Variants in NDUFAF6 observed in about 807,000 individuals in gnomAD.
The protein encoded by NDUFAF6 is NADH dehydrogenase (ubiquinone) complex I, assembly factor 6.
In NDUFAF6, 45 loss-of-function variants were observed where a neutral mutation model predicts 40.8. The ratio of observed to expected loss-of-function variants is 1.10; its 90% confidence interval spans 0.87 to 1.42. The LOEUF (loss-of-function observed/expected upper bound fraction) is 1.42, where lower values mean the gene tolerates loss of function less well. Ranked by LOEUF, NDUFAF6 falls within the 40% of genes most tolerant of loss-of-function variation. The probability of loss-of-function intolerance (pLI) is 0.00; values close to 1 mark genes in which losing one functional copy is unlikely to be tolerated. For missense variants in NDUFAF6, 435 were observed against 418.5 expected, an observed-to-expected ratio of 1.04 and a Z score of -0.34; for synonymous variants, 185 against 155.9, an observed-to-expected ratio of 1.19 and a Z score of -1.39.
At chr8:94,951,949 A>G (rs1822659496) in intron 2 of NDUFAF6, among the ~76,000 whole-genome samples, 1 of 152,204 alleles carries the variant, frequency 6.6e-6, no homozygotes, top group Non-Finnish European at 1.5e-5. Flanking sequence ...ACTGACAAAG[A>G]CCCAGCCAGG....
chr8:94,906,729 C>G (rs1294116515), intron 1 of NDUFAF6, among the ~76,000 whole-genome samples: 1 of 152,164 alleles, frequency 6.6e-6, no homozygotes, highest in Non-Finnish European at 1.5e-5. Context: ...GTAATGAAAG[C>G]CAGTCCATCA....
At chr8:94,971,712 G>A (rs1824476191) in intron 1 of NDUFAF6, among the ~76,000 whole-genome samples, 1 of 152,150 alleles carries the variant, frequency 6.6e-6, no homozygotes, top group Non-Finnish European at 1.5e-5. Context: ...GGAGGCGGGT[G>A]GATCACCTGA....
At chr8:94,924,261 T>C (rs1209674542) in intron 1 of NDUFAF6, among the ~76,000 whole-genome samples, 3 of 151,754 alleles carry the variant, frequency 2.0e-5, no homozygotes, top group Non-Finnish European at 2.9e-5. Context: ...GGGGTTTCAC[T>C]GTGTTAGCCA....
intron 2 of NDUFAF6, chr8:94,988,569 A>C (rs2131611211): frequency 6.6e-6 from 1 of 152,332 alleles, no homozygotes; most frequent in Middle Eastern, 3.4e-3. Flanking sequence ...AAACCAAGAA[A>C]GCAGCTTAGT....
At chr8:94,992,527 A>G (rs1275661544) in intron 2 of NDUFAF6, among the ~76,000 whole-genome samples, 1 of 152,162 alleles carries the variant, frequency 6.6e-6, no homozygotes, top group African/African-American at 2.4e-5. Context: ...GTTTACATAT[A>G]GGTCTATATT....
chr8:94,966,670 G>A (rs1383025570), intron 1 of NDUFAF6, among the ~76,000 whole-genome samples: 1 of 152,180 alleles, frequency 6.6e-6, no homozygotes, highest in Non-Finnish European at 1.5e-5. Flanking sequence ...GTTCAGCAGT[G>A]AGGCTTTCAG....
upstream of NDUFAF6, among the ~76,000 whole-genome samples, chr8:95,097,968 C>T (rs1809521781): frequency 6.6e-6 from 1 of 151,968 alleles, no homozygotes; most frequent in Non-Finnish European, 1.5e-5. Flanking sequence ...GGTTCTGGAT[C>T]CCTTTGTCTG....
rs199744511 is a variant in NDUFAF6, at chr8:95,018,409, T to TATTC, written c.-83-13559_-83-13556dup. ...TTTCTTTTTACCTCCCATTACCTCC[T>TATTC]ATTCATTCATTCATTCATTCATTCA... On this transcript the variant is annotated intron_variant, in intron 2 of 9. Transcript: ENST00000396111. 8.0e-3 allele frequency among the ~76,000 whole-genome samples: 1,209 copies of TATTC among 151,922 alleles called. 21 individuals are homozygous for TATTC. The highest frequency in any genetic ancestry group is 0.064 in the East Asian group (330 of 5,180).
intron 2 of NDUFAF6, among the ~76,000 whole-genome samples, chr8:94,997,343 C>CACACACACACAGAGAGAG (rs1242904810): frequency 1.1e-5 from 1 of 90,514 alleles, no homozygotes; most frequent in African/African-American, 4.5e-5. Context: ...CACACACACA[C>CACACACACACAGAGAGAG]AGAGAGAGAG....
At position 95,111,424 on chromosome 8, in the gene NDUFAF6, G is replaced by T. The variant is rs568005921; in HGVS notation, n.345-4112G>T. On this transcript the variant is annotated intron_variant and non_coding_transcript_variant, in intron 4 of 5. Coordinates refer to the NDUFAF6 transcript ENST00000523184. ...ATACACGTGTAATCTCAGTATGATC[G>T]ATTCTGTGCACTCTTTTTACTTGGT... 5.9e-5 allele frequency among the ~76,000 whole-genome samples: 9 copies of T among 152,224 alleles called. No individual in the cohort carries two copies. The East Asian group carries it at 1.7e-3, about 29-fold the overall frequency.
At chr8:94,989,341 T>C (rs1319634233) in intron 2 of NDUFAF6, 1 of 152,218 alleles carries the variant, frequency 6.6e-6, no homozygotes, top group East Asian at 1.9e-4. Context: ...ATTTTTCCAG[T>C]GACAGTTGGC....
chr8:94,908,660 G>A (rs573717255), intron 1 of NDUFAF6, among the ~76,000 whole-genome samples: 171 of 152,220 alleles, frequency 1.1e-3, no homozygotes, highest in African/African-American at 3.7e-3. Flanking sequence ...GTGAGCCACC[G>A]CTCGTGGCCT....
chr8:94,946,623 T>C (rs1290656365), intron 2 of NDUFAF6, among the ~76,000 whole-genome samples: 1 of 141,186 alleles, frequency 7.1e-6, no homozygotes, highest in Admixed American at 7.8e-5. Context: ...CTTGAGCCCA[T>C]GAGTTTGAAG....
chr8:94,940,271 A>G (rs1406576756), intron 1 of NDUFAF6: 1 of 1,534,610 alleles, frequency 6.5e-7, no homozygotes, highest in Non-Finnish European at 8.8e-7. Context: ...AGAGTCCCAC[A>G]GGAGGATGAT....
intron 9 of NDUFAF6, among the ~76,000 whole-genome samples, chr8:95,071,270 C>T (rs1253379132): frequency 6.6e-6 from 1 of 151,124 alleles, no homozygotes; most frequent in Non-Finnish European, 1.5e-5. Flanking sequence ...TTGTGGCGGG[C>T]GCCTGTAGTC....
chr8:94,907,039 A>T (rs944016264), intron 1 of NDUFAF6, among the ~76,000 whole-genome samples: 15 of 152,194 alleles, frequency 9.9e-5, no homozygotes, highest in Admixed American at 4.6e-4. Context: ...AGGGTCTTAG[A>T]CTACCAAGTC....
At chr8:95,017,099 ATT>A (rs781650429) in intron 2 of NDUFAF6, among the ~76,000 whole-genome samples, 12,839 of 111,622 alleles carry the variant, frequency 0.12, 533 homozygotes, top group Middle Eastern at 0.24. Context: ...TGCCCAGCTA[ATT>A]TTTTTTTTTT....
chr8:95,044,967 T>G (rs1830569056), intron 4 of NDUFAF6, among the ~76,000 whole-genome samples: 1 of 152,188 alleles, frequency 6.6e-6, no homozygotes, highest in South Asian at 2.1e-4. Context: ...TGAGCATGGT[T>G]TCTTTTTAGG....
At chr8:94,899,302 G>A (rs1817862867) in intron 1 of NDUFAF6, among the ~76,000 whole-genome samples, 1 of 152,162 alleles carries the variant, frequency 6.6e-6, no homozygotes, top group African/African-American at 2.4e-5. Context: ...ATTCTACTTT[G>A]AAGCGTCATT....
Sources: allele counts gnomAD v4.1 joint callset (sites outside exome capture counted in the v4.1 genomes callset), GRCh38; gene constraint gnomAD v4.1.1; transcripts MANE v1.5; gene names NCBI Gene and HGNC (gene_info 2026-07-23, HGNC 2026-07-21).